LRRC72: variants seen among roughly 807,000 people sequenced by gnomAD.
LRRC72 encodes leucine rich repeat containing 72.
LRRC72 carries 41 observed loss-of-function variants against 35.8 expected under a neutral mutation model. The ratio of observed to expected loss-of-function variants is 1.15; its 90% confidence interval spans 0.89 to 1.49. The LOEUF (loss-of-function observed/expected upper bound fraction) is 1.49. LRRC72 is among the 40% of genes most tolerant of loss of function. The pLI, the probability that LRRC72 is intolerant of heterozygous loss-of-function variation, is 0.00. For missense variants in LRRC72, 389 were observed against 330.7 expected (o/e 1.18, Z -1.37); for synonymous variants, 118 against 119.2 (o/e 0.99, Z 0.07).
rs182698335 is a variant in LRRC72, at chr7:16,581,075, A to T, written c.699-249A>T. Among the ~76,000 whole-genome samples the T allele has an allele frequency of 2.8e-3, 427 of 152,324 alleles. 3 individuals carry two copies. Among genetic ancestry groups the T allele is most frequent in the Non-Finnish European group, 4.9e-3 (334 of 68,026 alleles). On this transcript the variant is annotated intron_variant, in intron 8 of 8. Coordinates refer to ENST00000401542, the MANE Select transcript of LRRC72 (RefSeq NM_001195280.2). Reference sequence around the variant, plus strand: ...GACTGCATGAGTATGTGAGATCTAAACTGTAATAGTTGATCCCCAAATATG... The same window carrying T: ...GACTGCATGAGTATGTGAGATCTAATCTGTAATAGTTGATCCCCAAATATG...
Position 16,527,042 on chromosome 7 carries a change from G to T in LRRC72, c.90G>T (p.Arg30=), listed in dbSNP as rs1782081904. Residue 30 remains arginine, a splice_region_variant and synonymous_variant, in exon 1 of 9, where the codon CGG becomes CGT. Coordinates refer to ENST00000401542, the MANE Select transcript of LRRC72 (RefSeq NM_001195280.2). ...ASETALQSSR[R]AVEDQLKICG... is the part of the protein sequence containing the mutation. Reference sequence around the variant, plus strand: ...AAACTGCCCTACAGAGCAGTCGCCGGGTAAGCGGCACCTGCCTTCCCAAGC... The same window carrying T: ...AAACTGCCCTACAGAGCAGTCGCCGTGTAAGCGGCACCTGCCTTCCCAAGC... The T allele has an allele frequency of 1.3e-6, 2 of 1,537,496 alleles. No individual in the cohort carries two copies. The highest frequency in any genetic ancestry group is 2.0e-5 in the Admixed American group (1 of 50,992).
chr7:16,545,307 T>G (rs1175080955), intron 3 of LRRC72, among the ~76,000 whole-genome samples: 1 of 152,214 alleles, frequency 6.6e-6, no homozygotes, highest in Non-Finnish European at 1.5e-5. Flanking sequence ...TTTATGTATT[T>G]TAGGAAGGAA....
At chr7:16,547,173 G>A (rs1323993463) in intron 3 of LRRC72, among the ~76,000 whole-genome samples, 1 of 152,190 alleles carries the variant, frequency 6.6e-6, no homozygotes, top group African/African-American at 2.4e-5. Flanking sequence ...ACACAGCCAG[G>A]AAAACGTGGA....
chr7:16,527,099 C>A (rs977730827), intron 1 of LRRC72, 57 bp downstream of exon 1: 5 of 1,411,088 alleles, frequency 3.5e-6, no homozygotes, highest in Non-Finnish European at 4.8e-6. Context: ...GCCCCAGGGC[C>A]CCACCTCCTG....
intron 3 of LRRC72, among the ~76,000 whole-genome samples, chr7:16,546,375 T>C (rs10278256): frequency 0.01 from 1,539 of 152,198 alleles, 32 homozygotes; most frequent in African/African-American, 0.035. Flanking sequence ...GTCCTGTGTA[T>C]TTCAGGATGC....
intron 7 of LRRC72, among the ~76,000 whole-genome samples, chr7:16,573,934 A>G (rs1028808687): frequency 1.3e-5 from 2 of 152,252 alleles, no homozygotes; most frequent in Non-Finnish European, 2.9e-5. Context: ...CGGAATCTAC[A>G]AGGAACTGAA....
At chr7:16,568,503 A>G (rs1415048938) in intron 7 of LRRC72, among the ~76,000 whole-genome samples, 2 of 152,228 alleles carry the variant, frequency 1.3e-5, no homozygotes. Flanking sequence ...GACATTAGAA[A>G]GAGAAGGTCC....
intron 1 of LRRC72, among the ~76,000 whole-genome samples, chr7:16,531,211 C>CA (rs1368318543): frequency 5.2e-4 from 75 of 143,026 alleles, no homozygotes; most frequent in African/African-American, 6.7e-4. Flanking sequence ...CAAAAACAAA[C>CA]AAAAAAAACA....
At chr7:16,545,988 G>A (rs761387566) in intron 3 of LRRC72, among the ~76,000 whole-genome samples, 5 of 152,078 alleles carry the variant, frequency 3.3e-5, no homozygotes, top group Admixed American at 1.3e-4. Context: ...GACTGTGTAA[G>A]TACCGTATAT....
intron 3 of LRRC72, among the ~76,000 whole-genome samples, chr7:16,552,375 T>C (rs1782567251): frequency 6.9e-6 from 1 of 145,622 alleles, no homozygotes; most frequent in Non-Finnish European, 1.5e-5. Flanking sequence ...CACGCAGAAA[T>C]GGGACTCCAG....
intron 2 of LRRC72, among the ~76,000 whole-genome samples, chr7:16,534,408 T>C (rs909880364): frequency 6.6e-6 from 1 of 152,192 alleles, no homozygotes; most frequent in African/African-American, 2.4e-5. Context: ...AGTGAATTTA[T>C]ATGATATCAG....
intron 3 of LRRC72, among the ~76,000 whole-genome samples, chr7:16,541,439 C>G (rs553490591): frequency 1.3e-5 from 2 of 152,234 alleles, no homozygotes; most frequent in African/African-American, 2.4e-5. Context: ...TTTTAAACAC[C>G]AACTAAGTGG....
chr7:16,568,939 C>T (rs955248759), intron 7 of LRRC72, among the ~76,000 whole-genome samples: 2 of 151,718 alleles, frequency 1.3e-5, no homozygotes, highest in Non-Finnish European at 2.9e-5. Flanking sequence ...CAAGAATGAG[C>T]GAAAGGTAAA....
intron 3 of LRRC72, among the ~76,000 whole-genome samples, chr7:16,541,742 T>C (rs1488635385): frequency 6.6e-6 from 1 of 152,198 alleles, no homozygotes; most frequent in African/African-American, 2.4e-5. Context: ...TGAAACTCCG[T>C]CTCTACTAAA....
intron 5 of LRRC72, among the ~76,000 whole-genome samples, chr7:16,564,431 G>T (rs1782792442): frequency 6.6e-6 from 1 of 151,670 alleles, no homozygotes; most frequent in South Asian, 2.1e-4. Context: ...CTGTCCTGCA[G>T]TTATAATTAT....
chr7:16,549,663 C>A (rs979822071), intron 3 of LRRC72, among the ~76,000 whole-genome samples: 7 of 152,130 alleles, frequency 4.6e-5, no homozygotes, highest in African/African-American at 1.7e-4. Flanking sequence ...AGAGTGGGTG[C>A]ATCAAGGTCA....
intron 5 of LRRC72, among the ~76,000 whole-genome samples, chr7:16,563,346 T>C (rs1050383340): frequency 1.3e-5 from 2 of 152,082 alleles, no homozygotes; most frequent in African/African-American, 4.8e-5. Flanking sequence ...GCCAAGCTTG[T>C]GCGGTAAGGT....
At chr7:16,565,171 C>T (rs895616130) in intron 5 of LRRC72, among the ~76,000 whole-genome samples, 1 of 152,136 alleles carries the variant, frequency 6.6e-6, no homozygotes, top group African/African-American at 2.4e-5. Flanking sequence ...TGGCCAGGTG[C>T]GGTGGCTGAT....
At chr7:16,535,010 C>A (rs576570186) in intron 2 of LRRC72, among the ~76,000 whole-genome samples, 25 of 152,186 alleles carry the variant, frequency 1.6e-4, no homozygotes, top group African/African-American at 5.5e-4. Flanking sequence ...CCAGCCTGGG[C>A]AACATATGAA....
Sources: gnomAD v4.1 joint callset for allele counts (sites outside exome capture counted in the v4.1 genomes callset) on GRCh38, gnomAD v4.1.1 for gene constraint, MANE v1.5 for transcripts, NCBI Gene and HGNC (gene_info 2026-07-23, HGNC 2026-07-21) for gene names.